Variants in TSC22D1 observed in about 807,000 individuals in gnomAD.
TSC22D1 encodes TSC22 domain family protein 1.
A neutral mutation model predicts 74.2 loss-of-function variants in TSC22D1; 9 were observed. That is an observed-to-expected ratio of 0.12 (90% CI 0.07 to 0.21). The LOEUF (loss-of-function observed/expected upper bound fraction) is 0.21, where lower values mean the gene tolerates loss of function less well. Ranked by LOEUF, TSC22D1 falls within the 10% of genes least tolerant of loss-of-function variation. The pLI is 1.00. For synonymous variants in TSC22D1, 586 were observed against 492.5 expected, an observed-to-expected ratio of 1.19 and a Z score of -2.51; for missense variants, 1,427 against 1,304.7, an observed-to-expected ratio of 1.09 and a Z score of -1.44.
chr13:44,562,895 C>G (rs1883138999), intron 1 of TSC22D1, among the ~76,000 whole-genome samples: 1 of 152,090 alleles, frequency 6.6e-6, no homozygotes, highest in Non-Finnish European at 1.5e-5. Flanking sequence ...CACCTGAGGT[C>G]AGGAGTTCGA....
In TSC22D1 at chr13:44,491,489, G is replaced by A. The variant is rs1878718046; in HGVS notation, c.2913-55394C>T. On this transcript the variant is annotated intron_variant, in intron 1 of 2. Coordinates refer to ENST00000458659, the MANE Select transcript of TSC22D1 (RefSeq NM_183422.4). ...GAACGGCATGAACCCGGCAGGCGGC[G>A]CTTGCAGTGAGCCGAGATCGCGCCA... is the stretch of plus-strand genomic sequence containing the variant. Among the ~76,000 whole-genome samples, 3 of 150,298 alleles carry A rather than the reference G, an allele frequency of 2.0e-5. 1 individual carries two copies. The highest frequency in any genetic ancestry group is 7.3e-5 in the African/African-American group (3 of 40,826).
rs547515808 is a variant in TSC22D1, at chr13:44,438,905, A to G, written c.2913-2810T>C. Among the ~76,000 whole-genome samples the G allele has an allele frequency of 2.6e-5, 4 of 152,330 alleles. No individual in the cohort carries two copies. In the South Asian group the frequency reaches 8.3e-4, roughly 32 times the overall value. On this transcript the variant is annotated intron_variant, in intron 1 of 2. Transcript: ENST00000458659. ...ATTTACATGTTTTAACTGAATGCCA[A>G]CTTCATGAAAAAAGGGTATTAAAGC... is the stretch of plus-strand genomic sequence containing the variant.
intron 1 of TSC22D1, among the ~76,000 whole-genome samples, chr13:44,560,808 TCTAA>T (rs1444299189): frequency 6.6e-5 from 10 of 152,304 alleles, no homozygotes; most frequent in African/African-American, 2.4e-4. Flanking sequence ...ACGAACATAA[TCTAA>T]CTTTCAACTA....
At position 44,573,216 on chromosome 13, in the gene TSC22D1, G is replaced by A. The variant is rs755003401; in HGVS notation, c.2859C>T (p.Phe953=). 6.2e-7 allele frequency: 1 copy of A among 1,614,196 alleles called. No individual in the cohort carries two copies. The highest frequency in any genetic ancestry group is 8.5e-7 in the Non-Finnish European group (1 of 1,180,042). ...TCGTCAGCGGTAGCACCTTCAACGG[G>A]AAAAGAGAAGCAGAGGCTGCTAGGC... ...SSSLAASASL[F]PLKVLPLTTP... is the part of the protein sequence containing the mutation. Residue 953 remains phenylalanine, a synonymous_variant, in exon 1 of 3, where the codon TTC becomes TTT. Coordinates refer to ENST00000458659, the MANE Select transcript of TSC22D1 (RefSeq NM_183422.4).
chr13:44,474,449 T>C (rs1877781520), intron 1 of TSC22D1: 1 of 160,298 alleles, frequency 6.2e-6, no homozygotes, highest in East Asian at 1.9e-4. Flanking sequence ...ATACTATGAA[T>C]ATAGTGATTT....
intron 1 of TSC22D1, among the ~76,000 whole-genome samples, chr13:44,517,361 A>ACAC (rs1566149312): frequency 2.1e-5 from 3 of 140,242 alleles, no homozygotes; most frequent in African/African-American, 7.8e-5. Context: ...CACACACACA[A>ACAC]ATGTACTCCT....
chr13:44,547,309 T>C (rs1042270533), intron 1 of TSC22D1, among the ~76,000 whole-genome samples: 3 of 152,134 alleles, frequency 2.0e-5, no homozygotes, highest in Admixed American at 6.5e-5. Context: ...ATCAGAAAAG[T>C]AACCAGATGT....
chr13:44,551,310 G>GGGGTGTGT (rs1555272439), intron 1 of TSC22D1, among the ~76,000 whole-genome samples: 114 of 132,858 alleles, frequency 8.6e-4, no homozygotes, highest in African/African-American at 2.5e-3. Flanking sequence ...ATCAGCTGGG[G>GGGGTGTGT]GTGTGTGTGT....
At chr13:44,478,489 C>T (rs1325778134) in intron 1 of TSC22D1, among the ~76,000 whole-genome samples, 1 of 151,898 alleles carries the variant, frequency 6.6e-6, no homozygotes, top group African/African-American at 2.4e-5. Context: ...CAGTCTGATG[C>T]CAGAGTGTAT....
chr13:44,503,323 T>C (rs1879297089), intron 1 of TSC22D1, among the ~76,000 whole-genome samples: 1 of 150,054 alleles, frequency 6.7e-6, no homozygotes, highest in Non-Finnish European at 1.5e-5. Context: ...TATCCTAAAG[T>C]ACACAGAAAA....
In TSC22D1 at chr13:44,575,790, T is replaced by TGCCTGCAGCTGA; in HGVS notation, c.273_284dup (p.Leu93_Gln96dup). The TGCCTGCAGCTGA allele has an allele frequency of 6.2e-7, 1 of 1,614,184 alleles. No homozygotes were observed. Among genetic ancestry groups the TGCCTGCAGCTGA allele is most frequent in the Non-Finnish European group, 8.5e-7 (1 of 1,180,024 alleles). ...GAGTTCCGCCTGGCGCAAGAGGCTG[T>TGCCTGCAGCTGA]GCCTGCAGCTGAGCCTGCGAAAGGA... On this transcript the variant is annotated inframe_insertion, in exon 1 of 3. Coordinates refer to ENST00000458659, the MANE Select transcript of TSC22D1 (RefSeq NM_183422.4).
intron 1 of TSC22D1, among the ~76,000 whole-genome samples, chr13:44,461,423 A>C (rs1876990050): frequency 6.6e-6 from 1 of 152,212 alleles, no homozygotes; most frequent in Non-Finnish European, 1.5e-5. Flanking sequence ...AATAAGTGTG[A>C]TATCTTAGGT....
intron 1 of TSC22D1, among the ~76,000 whole-genome samples, chr13:44,552,895 G>C (rs1726122146): frequency 6.6e-6 from 1 of 152,224 alleles, no homozygotes; most frequent in South Asian, 2.1e-4. Flanking sequence ...GGCTGAGGCA[G>C]GAGAATGGCG....
chr13:44,543,913 G>A (rs900148780), intron 1 of TSC22D1, among the ~76,000 whole-genome samples: 4 of 152,082 alleles, frequency 2.6e-5, no homozygotes, highest in Non-Finnish European at 5.9e-5. Flanking sequence ...CCAACATGGT[G>A]AAACCTTGTC....
intron 1 of TSC22D1, among the ~76,000 whole-genome samples, chr13:44,568,009 G>A (rs989393326): frequency 6.6e-6 from 1 of 152,082 alleles, no homozygotes; most frequent in Non-Finnish European, 1.5e-5. Flanking sequence ...AAATACACAG[G>A]TCACATACAA....
At chr13:44,462,151 G>A (rs532927677) in intron 1 of TSC22D1, among the ~76,000 whole-genome samples, 1 of 152,236 alleles carries the variant, frequency 6.6e-6, no homozygotes, top group East Asian at 1.9e-4. Context: ...GTATTATACA[G>A]AAACCATTAC....
chr13:44,559,965 T>C (rs1034353478), intron 1 of TSC22D1, among the ~76,000 whole-genome samples: 8 of 152,032 alleles, frequency 5.3e-5, no homozygotes, highest in African/African-American at 1.9e-4. Context: ...GTGCTGGGAT[T>C]ACAGGTGTGA....
chr13:44,576,229 C>G lies in TSC22D1; in HGVS notation c.-155G>C. 1 of 1,153,492 alleles carries G rather than the reference C, an allele frequency of 8.7e-7. No homozygotes were observed. The highest frequency in any genetic ancestry group is 2.6e-5 in the East Asian group (1 of 37,946). 71.5% of individuals were successfully genotyped at this position (1,153,492 alleles called of 1,614,324 possible). On this transcript the variant is annotated 5_prime_UTR_variant, in exon 1 of 3. Transcript: ENST00000458659. ...TCCTCAGCCAAAGGCGCCGGTCGCT[C>G]CTGCCTTCGAGAGCGAGCTTCGGAA...
rs1595181455 is a variant in TSC22D1, at chr13:44,573,746, C to T, written c.2329G>A (p.Val777Ile). ...GGAAGGCTTGGAGCACTAGTTTGAA[C>T]TCCCTGATGAATAATCCCAGTTTGA... ...PAQTGIIHQGVQTSAPSLPQQ... is the reference protein window; with the variant it reads ...PAQTGIIHQGIQTSAPSLPQQ... The change falls in exon 1 of 3, where the codon GTT becomes ATT. Residue 777 changes from valine to isoleucine, a missense_variant. Coordinates refer to ENST00000458659, the MANE Select transcript of TSC22D1 (RefSeq NM_183422.4). 1 of 1,614,234 alleles carries T rather than the reference C, an allele frequency of 6.2e-7. No individual in the cohort carries two copies. The highest frequency in any genetic ancestry group is 8.5e-7 in the Non-Finnish European group (1 of 1,180,032).
Sources: gnomAD v4.1 joint callset for allele counts (sites outside exome capture counted in the v4.1 genomes callset) on GRCh38, gnomAD v4.1.1 for gene constraint, MANE v1.5 for transcripts, NCBI Gene and HGNC (gene_info 2026-07-23, HGNC 2026-07-21) for gene names.